The following TMEM196 variants were observed in gnomAD, a reference collection of about 807,000 sequenced individuals.
The protein encoded by TMEM196 is transmembrane protein 196.
In TMEM196, 17 loss-of-function variants were observed where a neutral mutation model predicts 20.0. The observed-to-expected ratio is 0.85, with a 90% confidence interval of 0.58 to 1.27. The LOEUF is 1.27. Among genes scored for constraint, TMEM196 ranks in the 50% most tolerant of loss-of-function variants. TMEM196 has a pLI of 0.00. For synonymous variants in TMEM196, 113 were observed against 88.9 expected (o/e 1.27, Z -1.52); for missense variants, 267 against 223.0 (o/e 1.20, Z -1.26).
intron 1 of TMEM196, among the ~76,000 whole-genome samples, chr7:19,757,682 C>CT (rs997147437): frequency 5.9e-5 from 9 of 151,652 alleles, no homozygotes; most frequent in South Asian, 4.2e-4. Flanking sequence ...AAAGTTACTC[C>CT]TTTTTTTTAC....
intron 1 of TMEM196, among the ~76,000 whole-genome samples, chr7:19,730,138 C>G (rs1279254478): frequency 6.6e-6 from 1 of 152,038 alleles, no homozygotes; most frequent in East Asian, 1.9e-4. Flanking sequence ...CGCCTATGAT[C>G]CCAGCTATTC....
At chr7:19,760,463 C>G (rs185062711) in intron 1 of TMEM196, among the ~76,000 whole-genome samples, 5 of 141,996 alleles carry the variant, frequency 3.5e-5, no homozygotes, top group African/African-American at 1.3e-4. Flanking sequence ...TGGGTTCAAG[C>G]GATTTTTCTT....
At chr7:19,729,164 T>A (rs1365221298) in intron 2 of TMEM196, among the ~76,000 whole-genome samples, 1 of 152,084 alleles carries the variant, frequency 6.6e-6, no homozygotes, top group East Asian at 1.9e-4. Flanking sequence ...AAGAGTTTAT[T>A]AAAGTTTTTT....
At chr7:19,743,106 A>G (rs552885638) in intron 1 of TMEM196, among the ~76,000 whole-genome samples, 4 of 152,058 alleles carry the variant, frequency 2.6e-5, no homozygotes, top group Non-Finnish European at 5.9e-5. Flanking sequence ...TTTGTCTTTG[A>G]GAGGCTCATT....
chr7:19,757,337 CTTTTTTTT>C (rs59859025), intron 1 of TMEM196, among the ~76,000 whole-genome samples: 2 of 70,874 alleles, frequency 2.8e-5, no homozygotes, highest in Admixed American at 1.9e-4. Flanking sequence ...CCACACCCAG[CTTTTTTTT>C]TTTTTTTTTT....
intron 1 of TMEM196, among the ~76,000 whole-genome samples, chr7:19,768,459 C>T (rs1055598034): frequency 2.0e-5 from 3 of 152,074 alleles, no homozygotes; most frequent in African/African-American, 7.2e-5. Flanking sequence ...TAAACCTAGT[C>T]CATTCCCATT....
chr7:19,764,447 G>T (rs1474433292), intron 1 of TMEM196, among the ~76,000 whole-genome samples: 3 of 152,118 alleles, frequency 2.0e-5, no homozygotes, highest in Non-Finnish European at 2.9e-5. Context: ...CCCTAACAAG[G>T]CTGATATCCT....
In TMEM196 at chr7:19,721,862, G is replaced by T; in HGVS notation, c.*266C>A. On this transcript the variant is annotated 3_prime_UTR_variant, in exon 5 of 5. Coordinates refer to ENST00000405844, the MANE Select transcript of TMEM196 (RefSeq NM_001363562.2). ...TTTAGAACAATCTGGAAAGCCTCTTGAAATTATTGTACTAGAATGTTTCTG... is the reference window on the plus strand; with the variant it reads ...TTTAGAACAATCTGGAAAGCCTCTTTAAATTATTGTACTAGAATGTTTCTG... The T allele has an allele frequency of 2.1e-6, 1 of 476,488 alleles. No individual in the cohort carries two copies. Among genetic ancestry groups the T allele is most frequent in the Non-Finnish European group, 3.7e-6 (1 of 273,114 alleles). 29.5% of individuals were successfully genotyped at this position (476,488 alleles called of 1,614,324 possible). A position where few individuals can be genotyped will look rare whatever the true frequency, so the allele number is the denominator to read the frequency against.
At chr7:19,749,612 T>C (rs1276167115) in intron 1 of TMEM196, among the ~76,000 whole-genome samples, 1 of 152,206 alleles carries the variant, frequency 6.6e-6, no homozygotes, top group African/African-American at 2.4e-5. Context: ...ATGGTTACCA[T>C]AGTGAAACAA....
At chr7:19,757,824 T>C (rs925311171) in intron 1 of TMEM196, among the ~76,000 whole-genome samples, 1 of 152,044 alleles carries the variant, frequency 6.6e-6, no homozygotes, top group Non-Finnish European at 1.5e-5. Flanking sequence ...AACAGCCCAC[T>C]CCATCACTAG....
At chr7:19,765,175 G>T (rs1471326799) in intron 1 of TMEM196, among the ~76,000 whole-genome samples, 1 of 152,090 alleles carries the variant, frequency 6.6e-6, no homozygotes, top group Non-Finnish European at 1.5e-5. Context: ...AATAAATCAT[G>T]TCTAGAATTA....
intron 1 of TMEM196, among the ~76,000 whole-genome samples, chr7:19,736,903 C>T (rs187443348): frequency 8.8e-4 from 133 of 151,988 alleles, no homozygotes; most frequent in African/African-American, 3.0e-3. Flanking sequence ...ATTTTTTCCC[C>T]AAGTCTCTAA....
intron 1 of TMEM196, among the ~76,000 whole-genome samples, chr7:19,767,522 T>C (rs1000830350): frequency 3.9e-5 from 6 of 152,064 alleles, no homozygotes; most frequent in Non-Finnish European, 7.4e-5. Context: ...AAACTATTTT[T>C]TCTACATGGC....
rs1783759148 is a variant in TMEM196 at position 19,719,896 on chromosome 7, TG to T, written c.*2231del. The T allele has an allele frequency of 6.6e-6, 1 of 152,112 alleles. No individual in the cohort carries two copies. The highest frequency in any genetic ancestry group is 2.4e-5 in the African/African-American group (1 of 41,454). The allele number at this position is 152,112 out of a possible 1,614,324, so 9.4% of individuals were successfully genotyped here. On this transcript the variant is annotated 3_prime_UTR_variant, in exon 5 of 5. Coordinates refer to ENST00000405844, the MANE Select transcript of TMEM196 (RefSeq NM_001363562.2). Reference sequence around the variant, plus strand: ...ATCAAAGCAGTGATATGTCTCCTTTTGTCCTTTAATGTGTTATGTTATAGAT... The same window carrying T: ...ATCAAAGCAGTGATATGTCTCCTTTTTCCTTTAATGTGTTATGTTATAGAT...
chr7:19,735,649 C>T (rs1345907642), intron 1 of TMEM196, among the ~76,000 whole-genome samples: 1 of 152,098 alleles, frequency 6.6e-6, no homozygotes, highest in Non-Finnish European at 1.5e-5. Context: ...ACTGTGGAAG[C>T]AGATATAAGC....
rs1785009358 is a variant in TMEM196 at position 19,752,062 on chromosome 7, T to A, written c.147+20488A>T. ...TACCAATCATACTTGTTTCTGAATG[T>A]CATGTTTTAAAGCATAATGTTATAT... On this transcript the variant is annotated intron_variant, in intron 1 of 4. Transcript: ENST00000405844. Among the ~76,000 whole-genome samples, 5 of 152,358 alleles carry A rather than the reference T, an allele frequency of 3.3e-5. No homozygotes were observed. In the South Asian group the frequency reaches 8.3e-4, roughly 25 times the overall value.
chr7:19,733,424 C>CAA, intron 1 of TMEM196, among the ~76,000 whole-genome samples: 1 of 152,228 alleles, frequency 6.6e-6, no homozygotes, highest in South Asian at 2.1e-4. Flanking sequence ...AAATCTTCTC[C>CAA]AAGAAAGGTC....
chr7:19,760,225 C>T (rs1204868226), intron 1 of TMEM196, among the ~76,000 whole-genome samples: 1 of 151,736 alleles, frequency 6.6e-6, no homozygotes, highest in Non-Finnish European at 1.5e-5. Flanking sequence ...AAACAATGCT[C>T]TTCCCTCTAT....
At position 19,719,550 on chromosome 7, in the gene TMEM196, T is replaced by C. The variant is rs1356480583; in HGVS notation, c.*2578A>G. 1.3e-5 allele frequency: 2 copies of C among 152,110 alleles called. No homozygotes were observed. Among genetic ancestry groups the C allele is most frequent in the African/African-American group, 4.8e-5 (2 of 41,438 alleles). 9.4% of individuals were successfully genotyped at this position (152,110 alleles called of 1,614,324 possible). A position where few individuals can be genotyped will look rare whatever the true frequency, so the allele number is the denominator to read the frequency against. ...AGTATACCACCACTCCAGTTTCACA[T>C]AGTTTTTCTAATTTAGTATCACCTT... On this transcript the variant is annotated 3_prime_UTR_variant, in exon 5 of 5. Coordinates refer to ENST00000405844, the MANE Select transcript of TMEM196 (RefSeq NM_001363562.2).
Sources: gnomAD v4.1 joint callset for allele counts (sites outside exome capture counted in the v4.1 genomes callset) on GRCh38, gnomAD v4.1.1 for gene constraint, MANE v1.5 for transcripts, NCBI Gene and HGNC (gene_info 2026-07-23, HGNC 2026-07-21) for gene names.